The following TIMM21 variants were observed in gnomAD, a reference collection of about 807,000 sequenced individuals.
TIMM21 encodes the protein translocase of inner mitochondrial membrane 21, also known as mitochondrial import inner membrane translocase subunit Tim21.
In TIMM21, 30 loss-of-function variants were observed where a neutral mutation model predicts 27.7. That is an observed-to-expected ratio of 1.08 (90% CI 0.81 to 1.47). The LOEUF (loss-of-function observed/expected upper bound fraction) is 1.47, where lower values mean the gene tolerates loss of function less well. TIMM21 is among the 40% of genes most tolerant of loss of function. The pLI is 0.00. For missense variants in TIMM21, 292 were observed against 302.9 expected (o/e 0.96, Z 0.27); for synonymous variants, 121 against 114.4 (o/e 1.06, Z -0.37).
In TIMM21 at chr18:74,155,125, T is replaced by C. The variant is rs769445468; in HGVS notation, c.302-20T>C. 8.7e-6 allele frequency: 14 copies of C among 1,613,348 alleles called. No homozygotes were observed. The highest frequency in any genetic ancestry group is 1.1e-5 in the Non-Finnish European group (13 of 1,179,372). ...GCTCCCAGCCGGCACCCGTAACCCA[T>C]TGGTGTTTTCTCTTCACAGTGAAAG... On this transcript the variant is annotated intron_variant, in intron 1 of 5. Coordinates refer to ENST00000169551, the MANE Select transcript of TIMM21 (RefSeq NM_014177.3).
At chr18:74,150,031 G>A (rs916143634) in intron 1 of TIMM21, among the ~76,000 whole-genome samples, 1 of 152,182 alleles carries the variant, frequency 6.6e-6, no homozygotes. Context: ...GTGGTAGGAG[G>A]TATAGGGTAC....
intron 1 of TIMM21, among the ~76,000 whole-genome samples, chr18:74,151,861 A>G (rs561994612): frequency 3.6e-4 from 53 of 148,318 alleles, no homozygotes; most frequent in African/African-American, 1.3e-3. Flanking sequence ...AGCGTGCCCC[A>G]TGCTGATCAA....
At position 74,158,718 on chromosome 18, in the gene TIMM21, C is replaced by A; in HGVS notation, c.*238C>A. ...CATGACAATATTTCTGCTTTAACAC[C>A]ATCTTTCATGATTAGAAATGTTTGT... On this transcript the variant is annotated 3_prime_UTR_variant, in exon 6 of 6. Transcript: ENST00000169551. 5.1e-6 allele frequency: 2 copies of A among 394,764 alleles called. No homozygotes were observed. The highest frequency in any genetic ancestry group is 3.1e-5 in the South Asian group (1 of 32,622). 24.5% of individuals were successfully genotyped at this position (394,764 alleles called of 1,614,324 possible).
chr18:74,153,566 C>T (rs1240507064), intron 1 of TIMM21, among the ~76,000 whole-genome samples: 1 of 152,202 alleles, frequency 6.6e-6, no homozygotes, highest in Non-Finnish European at 1.5e-5. Flanking sequence ...TTGTAGGCCC[C>T]AACTCCTGAA....
Position 74,158,485 on chromosome 18 carries a change from G to GCAAGCAAGCA in TIMM21, c.*5_*6insCAAGCAAGCA, listed in dbSNP as rs60712385. ...AATCGATCCCAAGATGATTAAAATAGGGTTTCTGATGGATGTTGAATGGCG... is the reference window on the plus strand; with the variant it reads ...AATCGATCCCAAGATGATTAAAATAGCAAGCAAGCAGGTTTCTGATGGATGTTGAATGGCG... On this transcript the variant is annotated 3_prime_UTR_variant, in exon 6 of 6. Transcript: ENST00000169551. 2.6e-6 allele frequency: 4 copies of GCAAGCAAGCA among 1,554,424 alleles called. No individual in the cohort carries two copies. The highest frequency in any genetic ancestry group is 2.0e-4 in the Middle Eastern group (1 of 4,946).
rs762868376 is a variant in TIMM21 at position 74,148,893 on chromosome 18, G to C, written c.85G>C (p.Val29Leu). 2 of 1,614,146 alleles carry C rather than the reference G, an allele frequency of 1.2e-6. No individual in the cohort carries two copies. The highest frequency in any genetic ancestry group is 3.3e-5 in the Admixed American group (2 of 60,014). Residue 29 changes from valine to leucine, a missense_variant, in exon 1 of 6, where the codon GTG becomes CTG. Physicochemically the swap from Val to Leu is conservative, Grantham distance 32. Transcript: ENST00000169551. ...AAAGCGATTGCTTTTGCCATACATC[G>C]TGCTTAACAAAGCGTGCTTGAAGAC... ...SAKRLLLPYI[V>L]LNKACLKTEP...
intron 1 of TIMM21, among the ~76,000 whole-genome samples, chr18:74,154,105 T>C (rs1979881690): frequency 6.6e-6 from 1 of 152,304 alleles, no homozygotes; most frequent in African/African-American, 2.4e-5. Context: ...ACTCACCTGA[T>C]ACGCTAAGCA....
At chr18:74,151,094 C>T (rs939207009) in intron 1 of TIMM21, among the ~76,000 whole-genome samples, 5 of 152,146 alleles carry the variant, frequency 3.3e-5, no homozygotes, top group Non-Finnish European at 7.4e-5. Context: ...TGATGGAGGG[C>T]GGTCAGGGGG....
chr18:74,156,845 T>G (rs1979964310), intron 3 of TIMM21: 1 of 152,226 alleles, frequency 6.6e-6, no homozygotes, highest in Admixed American at 6.5e-5. Flanking sequence ...TTGTCAACAT[T>G]TTTTAAGGGG....
rs2121926117 is a variant in TIMM21 at position 74,158,359 on chromosome 18, C to CA, written c.643-16dup. The CA allele has an allele frequency of 6.2e-7, 1 of 1,605,450 alleles. No homozygotes were observed. On this transcript the variant is annotated splice_polypyrimidine_tract_variant and intron_variant, in intron 5 of 5. Transcript: ENST00000169551. ...TGGAAAGGAAAATAATACCTGGAAA[C>CA]ACTACATTTTTTTCAGAACCCAGGA...
At chr18:74,155,105 C>A in intron 1 of TIMM21, 40 bp from the exon 2 acceptor site, 1 of 1,601,634 alleles carries the variant, frequency 6.2e-7, no homozygotes, top group Non-Finnish European at 8.6e-7. Flanking sequence ...TGCCTGCTCC[C>A]AGCCGGCACC....
chr18:74,149,704 G>A (rs1979744943), intron 1 of TIMM21, among the ~76,000 whole-genome samples: 3 of 152,200 alleles, frequency 2.0e-5, no homozygotes, highest in African/African-American at 7.2e-5. Context: ...CCAAAAAATT[G>A]GATCATACCA....
Position 74,149,060 on chromosome 18 carries a change from T to C in TIMM21, c.252T>C (p.Ser84=), listed in dbSNP as rs370815819. 7 of 1,613,726 alleles carry C rather than the reference T, an allele frequency of 4.3e-6. No individual in the cohort carries two copies. The African/African-American group carries it at 8.0e-5, about 18-fold the overall frequency. ...KAKEDGSKQV[S]VHRSQRGGTA... is the part of the protein sequence containing the mutation. Reference sequence around the variant, plus strand: ...AGGAGGATGGCAGCAAACAAGTGTCTGTGCACAGGAGTCAGAGAGGGGGAA... The same window carrying C: ...AGGAGGATGGCAGCAAACAAGTGTCCGTGCACAGGAGTCAGAGAGGGGGAA... Residue 84 remains serine (S), a synonymous_variant, in exon 1 of 6, where the codon TCT becomes TCC. Transcript: ENST00000169551.
intron 1 of TIMM21, 152 bp downstream of exon 1, chr18:74,149,261 G>A (rs913224948): frequency 1.2e-6 from 1 of 837,064 alleles, no homozygotes. Flanking sequence ...AGAACATATA[G>A]ATCTACAGTT....
chr18:74,149,136 G>T lies in TIMM21; in HGVS notation c.301+27G>T, dbSNP rs768028274. 3 of 1,589,056 alleles carry T rather than the reference G, an allele frequency of 1.9e-6. No individual in the cohort carries two copies. The Admixed American group carries it at 5.1e-5, about 27-fold the overall frequency. On this transcript the variant is annotated intron_variant, in intron 1 of 5. Coordinates refer to ENST00000169551, the MANE Select transcript of TIMM21 (RefSeq NM_014177.3). Reference sequence around the variant, plus strand: ...TAAAAAGGAGTACTTTAATGATTGGGCTTTCAACAGACATGACAAGAGCTG... The same window carrying T: ...TAAAAAGGAGTACTTTAATGATTGGTCTTTCAACAGACATGACAAGAGCTG...
Position 74,155,333 on chromosome 18 carries a change from A to T in TIMM21, c.392A>T (p.Glu131Val). Reference protein sequence around the residue: ...TGGLFYTIFKELFSSSSPSKI... With the variant: ...TGGLFYTIFKVLFSSSSPSKI... The stretch of plus-strand genomic sequence containing the variant: ...GGCTTGTTTTACACGATTTTCAAAG[A>T]ACTTTTTTCTTCATCCAGTCCTAGC... Residue 131 changes from glutamate (E) to valine (V), a missense_variant, in exon 3 of 6, where the codon GAA (glutamate) becomes GTA (valine). Glu to Val is a moderately radical substitution (Grantham distance 121). Transcript: ENST00000169551. 1 of 1,613,516 alleles carries T rather than the reference A, an allele frequency of 6.2e-7. No homozygotes were observed. Among genetic ancestry groups the T allele is most frequent in the Non-Finnish European group, 8.5e-7 (1 of 1,179,856 alleles).
At chr18:74,151,926 GGTGTCTATGT>G (rs1333860903) in intron 1 of TIMM21, among the ~76,000 whole-genome samples, 1 of 138,806 alleles carries the variant, frequency 7.2e-6, no homozygotes, top group Non-Finnish European at 1.5e-5. Flanking sequence ...AAGAAGCAGT[GGTGTCTATGT>G]TCCCCCCCCC....
Position 74,148,941 on chromosome 18 carries a change from C to T in TIMM21, c.133C>T (p.Leu45Phe). The change falls in exon 1 of 6, where the codon CTT becomes TTT. Residue 45 changes from leucine to phenylalanine, a missense_variant. Physicochemically the swap from Leu to Phe is conservative, Grantham distance 22. Transcript: ENST00000169551. ...LKTEPSLRCG[L>F]QYQKKTLRPR... The stretch of plus-strand genomic sequence containing the variant: ...GACTGAGCCCAGTTTGAGATGTGGG[C>T]TTCAATATCAAAAGAAAACGCTGCG... The T allele has an allele frequency of 1.2e-6, 2 of 1,614,146 alleles. No individual in the cohort carries two copies. The highest frequency in any genetic ancestry group is 2.2e-5 in the East Asian group (1 of 44,884).
At chr18:74,151,947 C>CCCCCG (rs1555682331) in intron 1 of TIMM21, among the ~76,000 whole-genome samples, 1 of 147,304 alleles carries the variant, frequency 6.8e-6, no homozygotes, top group African/African-American at 2.6e-5. Flanking sequence ...TCCCCCCCCC[C>CCCCCG]CCGGGGGGAC....
Sources: gnomAD v4.1 joint callset for allele counts (sites outside exome capture counted in the v4.1 genomes callset) on GRCh38, gnomAD v4.1.1 for gene constraint, MANE v1.5 for transcripts, NCBI Gene and HGNC (gene_info 2026-07-23, HGNC 2026-07-21) for gene names.